ACO1: variants seen among roughly 807,000 people sequenced by gnomAD.
The protein encoded by ACO1 is aconitase 1, also known as cytoplasmic aconitate hydratase.
In ACO1, 78 loss-of-function variants were observed where a neutral mutation model predicts 105.1. That is an observed-to-expected ratio of 0.74 (90% CI 0.62 to 0.90). The LOEUF is 0.90. Among genes scored for constraint, ACO1 ranks in the 40% least tolerant of loss-of-function variants. The pLI, the probability that ACO1 is intolerant of heterozygous loss-of-function variation, is 0.00. For missense variants in ACO1, 965 were observed against 1,111.1 expected (o/e 0.87, Z 1.87); for synonymous variants, 364 against 397.4 (o/e 0.92, Z 1.00).
At chr9:32,443,316 T>C (rs1420935037) in intron 19 of ACO1, among the ~76,000 whole-genome samples, 2 of 152,162 alleles carry the variant, frequency 1.3e-5, no homozygotes, top group Admixed American at 6.6e-5. Flanking sequence ...AGAAGATGTA[T>C]GGCAAAATTA....
chr9:32,430,042 T>C (rs1822191291), intron 13 of ACO1, among the ~76,000 whole-genome samples: 1 of 152,194 alleles, frequency 6.6e-6, no homozygotes, highest in African/African-American at 2.4e-5. Flanking sequence ...AAAGATATTA[T>C]TTGGTTTGCT....
chr9:32,409,593 G>A (rs971042922), intron 4 of ACO1, among the ~76,000 whole-genome samples: 2 of 152,190 alleles, frequency 1.3e-5, no homozygotes, highest in African/African-American at 2.4e-5. Flanking sequence ...GCTCATGCCT[G>A]TAATCCCAGC....
chr9:32,389,891 C>T (rs372205717), intron 1 of ACO1, among the ~76,000 whole-genome samples: 65 of 151,812 alleles, frequency 4.3e-4, no homozygotes, highest in African/African-American at 1.6e-3. Flanking sequence ...CTCCACCTCC[C>T]GGGTTCAAGC....
intron 4 of ACO1, among the ~76,000 whole-genome samples, chr9:32,409,667 A>G (rs945915624): frequency 4.6e-5 from 7 of 151,944 alleles, no homozygotes; most frequent in Non-Finnish European, 8.8e-5. Context: ...CCTGGGCAAC[A>G]CAGGAAGACC....
chr9:32,424,586 G>A lies in ACO1; in HGVS notation c.1109G>A (p.Cys370Tyr), dbSNP rs760265120. The A allele has an allele frequency of 2.5e-6, 4 of 1,614,088 alleles. No individual in the cohort carries two copies. In the South Asian group the frequency reaches 3.3e-5, roughly 13 times the overall value. Reference sequence around the variant, plus strand: ...GATTTGAAAACAGTAGTGCCTTGCTGTAGTGGACCCAAAAGGCCTCAGGAC... The same window carrying A: ...GATTTGAAAACAGTAGTGCCTTGCTATAGTGGACCCAAAAGGCCTCAGGAC... ...ELDLKTVVPCCSGPKRPQDKV... is the reference protein window; with the variant it reads ...ELDLKTVVPCYSGPKRPQDKV... Residue 370 changes from cysteine (C) to tyrosine (Y), a missense_variant, in exon 10 of 21, where the codon TGT becomes TAT. Physicochemically the swap from Cys to Tyr is radical, Grantham distance 194. Coordinates refer to ENST00000309951, the MANE Select transcript of ACO1 (RefSeq NM_002197.3).
intron 20 of ACO1, among the ~76,000 whole-genome samples, chr9:32,449,313 T>C (rs1822701888): frequency 6.6e-6 from 1 of 152,176 alleles, no homozygotes; most frequent in African/African-American, 2.4e-5. Flanking sequence ...AGTTCCATTC[T>C]TACCTCCCAC....
intron 19 of ACO1, among the ~76,000 whole-genome samples, chr9:32,444,287 G>A (rs1047356487): frequency 2.0e-5 from 3 of 152,142 alleles, no homozygotes; most frequent in South Asian, 2.1e-4. Context: ...ATAAACATAC[G>A]TGTGCATGCG....
intron 1 of ACO1, among the ~76,000 whole-genome samples, chr9:32,401,848 C>T (rs1026071515): frequency 6.6e-6 from 1 of 152,202 alleles, no homozygotes; most frequent in Non-Finnish European, 1.5e-5. Context: ...TCCATGCCCA[C>T]CCCCGTTCTT....
intron 15 of ACO1, among the ~76,000 whole-genome samples, chr9:32,432,457 G>C (rs1243370431): frequency 1.3e-5 from 2 of 152,190 alleles, no homozygotes; most frequent in East Asian, 3.9e-4. Context: ...TCTAGGGGAA[G>C]GGGTGATGTA....
At chr9:32,394,104 C>T (rs890984021) in intron 1 of ACO1, among the ~76,000 whole-genome samples, 9 of 152,210 alleles carry the variant, frequency 5.9e-5, no homozygotes, top group African/African-American at 1.4e-4. Context: ...ACTTTATCCA[C>T]GTGCAACACT....
chr9:32,392,020 A>C (rs1264049304), intron 1 of ACO1, among the ~76,000 whole-genome samples: 1 of 152,200 alleles, frequency 6.6e-6, no homozygotes, highest in Non-Finnish European at 1.5e-5. Flanking sequence ...ACATCAACCC[A>C]TTCTTTAAAA....
chr9:32,423,469 C>A, intron 9 of ACO1, 50 bp downstream of exon 9: 1 of 1,265,862 alleles, frequency 7.9e-7, no homozygotes, highest in Non-Finnish European at 1.1e-6. Context: ...CTCAAGGCTG[C>A]GATTTTAGTG....
At position 32,434,594 on chromosome 9, in the gene ACO1, T is replaced by G. The variant is rs190036940; in HGVS notation, c.1992T>G (p.Asp664Glu). The change falls in exon 17 of 21, where the codon GAT (aspartate) becomes GAG (glutamate). Residue 664 changes from aspartate to glutamate, a missense_variant. Transcript: ENST00000309951. ...LDLQPPKSIV[D>E]AYVLLNLGDS... ...TTCAGCCCCCTAAATCTATAGTGGA[T>G]GCCTATGTGCTGCTAAATTTGGGAG... 7.4e-6 allele frequency: 12 copies of G among 1,614,182 alleles called. No homozygotes were observed. Among genetic ancestry groups the G allele is most frequent in the Admixed American group, 1.7e-5 (1 of 60,020 alleles).
intron 19 of ACO1, among the ~76,000 whole-genome samples, chr9:32,448,278 T>G (rs1315717399): frequency 6.6e-6 from 1 of 152,228 alleles, no homozygotes. Context: ...TAGGCCTTGC[T>G]GAGCTGCGGT....
chr9:32,388,815 T>C (rs150165857), intron 1 of ACO1, among the ~76,000 whole-genome samples: 1 of 152,306 alleles, frequency 6.6e-6, no homozygotes, highest in African/African-American at 2.4e-5. Context: ...GCCTGTAGCA[T>C]TCATATATTG....
intron 17 of ACO1, among the ~76,000 whole-genome samples, 175 bp downstream of exon 17, chr9:32,434,876 A>G (rs780111580): frequency 5.3e-5 from 8 of 152,202 alleles, no homozygotes; most frequent in Non-Finnish European, 1.0e-4. Flanking sequence ...AACAGCTTCC[A>G]TGGGAGAAAC....
intron 1 of ACO1, among the ~76,000 whole-genome samples, chr9:32,394,478 G>A (rs762206562): frequency 7.2e-5 from 11 of 152,146 alleles, no homozygotes; most frequent in Non-Finnish European, 1.0e-4. Context: ...CCTTCCCATA[G>A]ACAACATAGA....
chr9:32,402,994 C>A (rs527402700), intron 1 of ACO1, among the ~76,000 whole-genome samples: 5 of 152,046 alleles, frequency 3.3e-5, no homozygotes, highest in African/African-American at 4.8e-5. Context: ...GGTCTTGGGG[C>A]CCCCTGGAAA....
At chr9:32,428,063 C>A (rs1249829902) in intron 12 of ACO1, among the ~76,000 whole-genome samples, 1 of 151,712 alleles carries the variant, frequency 6.6e-6, no homozygotes, top group African/African-American at 2.4e-5. Context: ...TTGCTTCAAG[C>A]CAGGAGTTTG....
Sources: allele counts gnomAD v4.1 joint callset (sites outside exome capture counted in the v4.1 genomes callset), GRCh38; gene constraint gnomAD v4.1.1; transcripts MANE v1.5; gene names NCBI Gene and HGNC (gene_info 2026-07-23, HGNC 2026-07-21).